PCDHGB2: variants seen among roughly 807,000 people sequenced by gnomAD.
The protein encoded by PCDHGB2 is protocadherin gamma-B2.
In PCDHGB2, 55 loss-of-function variants were observed where a neutral mutation model predicts 59.3. That is an observed-to-expected ratio of 0.93 (90% CI 0.75 to 1.16). The LOEUF (loss-of-function observed/expected upper bound fraction) is 1.16. PCDHGB2 is among the 50% of genes most tolerant of loss of function. PCDHGB2 has a pLI of 0.00. For synonymous variants in PCDHGB2, 516 were observed against 512.0 expected, an observed-to-expected ratio of 1.01 and a Z score of -0.11; for missense variants, 1,228 against 1,198.5, an observed-to-expected ratio of 1.02 and a Z score of -0.36.
At chr5:141,421,320 G>T (rs1561793188) in intron 1 of PCDHGB2, 2 of 1,613,786 alleles carry the variant, frequency 1.2e-6, no homozygotes, top group Non-Finnish European at 1.7e-6. Flanking sequence ...GGGCCAGGCA[G>T]ATCCGATATT....
At chr5:141,412,198 G>T (rs1248911071) in intron 1 of PCDHGB2, 1 of 152,180 alleles carries the variant, frequency 6.6e-6, no homozygotes, top group African/African-American at 2.4e-5. Flanking sequence ...ATGAAAACAG[G>T]TCATTTGACA....
chr5:141,366,430 C>T (rs753944795), intron 1 of PCDHGB2: 6 of 1,614,174 alleles, frequency 3.7e-6, no homozygotes, highest in Non-Finnish European at 4.2e-6. Context: ...TGGCTGCAGT[C>T]TCCTGCGTCT....
chr5:141,449,688 T>G (rs951233495), intron 1 of PCDHGB2, among the ~76,000 whole-genome samples: 2 of 151,772 alleles, frequency 1.3e-5, no homozygotes, highest in African/African-American at 4.8e-5. Context: ...TATGTTTGTG[T>G]GTATGTACAC....
rs369794418 is a variant in PCDHGB2, at chr5:141,497,143, G to A, written c.2480+2278G>A. Among the ~76,000 whole-genome samples the A allele has an allele frequency of 7.3e-5, 11 of 150,108 alleles. No individual in the cohort carries two copies. In the East Asian group the frequency reaches 1.6e-3, roughly 21 times the overall value. On this transcript the variant is annotated intron_variant, in intron 2 of 3. Coordinates refer to ENST00000522605, the MANE Select transcript of PCDHGB2 (RefSeq NM_018923.3). ...AGAGGTTGCAGTGAGCTGAGATCAC[G>A]AAAAAAAAATAATCTAGCCACAAAT...
intron 1 of PCDHGB2, chr5:141,422,697 C>T (rs1406213402): frequency 3.7e-6 from 6 of 1,603,284 alleles, no homozygotes; most frequent in South Asian, 1.1e-5. Flanking sequence ...TGGTCACTTA[C>T]TCTCTGACGG....
intron 1 of PCDHGB2, among the ~76,000 whole-genome samples, chr5:141,449,205 A>G (rs991001366): frequency 6.6e-6 from 1 of 152,164 alleles, no homozygotes; most frequent in Admixed American, 6.5e-5. Context: ...GTTAATTCTA[A>G]CTTTCTGTTT....
intron 3 of PCDHGB2, among the ~76,000 whole-genome samples, chr5:141,510,330 C>T (rs1420880240): frequency 6.6e-6 from 1 of 151,298 alleles, no homozygotes; most frequent in Non-Finnish European, 1.5e-5. Context: ...GCACTCTTCA[C>T]CCCCACCCCA....
intron 1 of PCDHGB2, among the ~76,000 whole-genome samples, chr5:141,381,826 CTTTTTTTTT>C (rs770630741): frequency 5.4e-5 from 4 of 74,286 alleles, no homozygotes; most frequent in African/African-American, 2.5e-4. Flanking sequence ...CTTTCTTCTT[CTTTTTTTTT>C]TTTTTTTTTT....
At chr5:141,409,652 A>G in intron 1 of PCDHGB2, 1 of 1,613,654 alleles carries the variant, frequency 6.2e-7, no homozygotes, top group Non-Finnish European at 8.5e-7. Flanking sequence ...TTTGGGGCTC[A>G]ATGGCCACAT....
At chr5:141,375,018 C>T (rs754559115) in intron 1 of PCDHGB2, 7 of 1,613,982 alleles carry the variant, frequency 4.3e-6, no homozygotes, top group Non-Finnish European at 4.2e-6. Flanking sequence ...TATGAGGACT[C>T]GAGTTTTTAT....
chr5:141,387,244 C>T (rs1267995802), intron 1 of PCDHGB2, among the ~76,000 whole-genome samples: 2 of 152,024 alleles, frequency 1.3e-5, no homozygotes, highest in South Asian at 2.1e-4. Context: ...CTTGGAGGTA[C>T]TTAGAAAAGT....
intron 2 of PCDHGB2, among the ~76,000 whole-genome samples, chr5:141,504,572 A>G (rs184273457): frequency 6.7e-6 from 1 of 148,962 alleles, no homozygotes; most frequent in Admixed American, 6.9e-5. Flanking sequence ...TCTAGGGAAC[A>G]CCATCTGCCC....
At chr5:141,422,302 G>A (rs749870505) in intron 1 of PCDHGB2, 2 of 1,549,012 alleles carry the variant, frequency 1.3e-6, no homozygotes, top group Admixed American at 4.3e-5. Flanking sequence ...TTCAATTCTG[G>A]AAAACTCTCC....
intron 1 of PCDHGB2, among the ~76,000 whole-genome samples, chr5:141,488,423 T>C (rs1204233986): frequency 2.0e-5 from 3 of 152,354 alleles, no homozygotes; most frequent in Non-Finnish European, 4.4e-5. Context: ...CCATCCATGC[T>C]TGGCCTCTGA....
intron 1 of PCDHGB2, chr5:141,413,581 A>T: frequency 1.9e-6 from 3 of 1,613,920 alleles, no homozygotes; most frequent in Non-Finnish European, 2.5e-6. Context: ...CAATGCTCCA[A>T]AATTCCAAGC....
rs751024373 is a variant in PCDHGB2, at chr5:141,491,801, G to T, written c.2422-3006G>T. 1 of 1,500,844 alleles carries T rather than the reference G, an allele frequency of 6.7e-7. No homozygotes were observed. Among genetic ancestry groups the T allele is most frequent in the Non-Finnish European group, 8.9e-7 (1 of 1,125,292 alleles). 93.0% of individuals were successfully genotyped at this position (1,500,844 alleles called of 1,614,324 possible). ...AACTTGCATCCACTCCTCTCCGGCCGGCTTGGTCGCTGGCTGCGCTCCACC... is the reference window on the plus strand; with the variant it reads ...AACTTGCATCCACTCCTCTCCGGCCTGCTTGGTCGCTGGCTGCGCTCCACC... On this transcript the variant is annotated intron_variant, in intron 1 of 3. Transcript: ENST00000522605. This position sits in a 1 kb window ranked among gnomAD's most constrained non-coding sequence, Gnocchi z 6.9.
intron 1 of PCDHGB2, among the ~76,000 whole-genome samples, chr5:141,453,310 T>C (rs566320120): frequency 6.6e-6 from 1 of 152,044 alleles, no homozygotes; most frequent in South Asian, 2.1e-4. Context: ...TTTATTTATT[T>C]ATTTTAGAGA....
intron 1 of PCDHGB2, among the ~76,000 whole-genome samples, chr5:141,480,796 C>G (rs1007525949): frequency 2.6e-5 from 4 of 152,074 alleles, no homozygotes; most frequent in African/African-American, 7.2e-5. Flanking sequence ...ATTTGAAAAC[C>G]ACAGCTTTGG....
intron 1 of PCDHGB2, chr5:141,478,346 G>A: frequency 6.2e-7 from 1 of 1,613,794 alleles, no homozygotes; most frequent in African/African-American, 1.3e-5. Context: ...CTCCTTGCAC[G>A]CGGACGCCGT....
Sources: allele counts gnomAD v4.1 joint callset (sites outside exome capture counted in the v4.1 genomes callset), GRCh38; gene constraint gnomAD v4.1.1; non-coding constraint Gnocchi (gnomAD v3.1); transcripts MANE v1.5; gene names NCBI Gene and HGNC (gene_info 2026-07-23, HGNC 2026-07-21).